The following RPS9 variants were observed in gnomAD, a reference collection of about 807,000 sequenced individuals.
RPS9 encodes the protein small ribosomal subunit protein uS4.
A neutral mutation model predicts 16.9 loss-of-function variants in RPS9; 1 was observed. That is an observed-to-expected ratio of 0.06 (90% CI 0.02 to 0.28). The LOEUF (loss-of-function observed/expected upper bound fraction) is 0.28, where lower values mean the gene tolerates loss of function less well. RPS9 is among the 10% of genes least tolerant of loss of function. The pLI is 1.00. For synonymous variants in RPS9, 106 were observed against 110.9 expected, an observed-to-expected ratio of 0.96 and a Z score of 0.28; for missense variants, 137 against 273.2, an observed-to-expected ratio of 0.50 and a Z score of 3.51.
intron 3 of RPS9, among the ~76,000 whole-genome samples, chr19:54,203,784 C>G (rs1214654588): frequency 1.4e-5 from 2 of 145,400 alleles, no homozygotes; most frequent in Admixed American, 7.0e-5. Flanking sequence ...CCCCCCACCC[C>G]CCAGCACAAC....
chr19:54,206,440 C>T lies in RPS9; in HGVS notation c.385C>T (p.Leu129=). The change falls in exon 4 of 5, where the codon CTG becomes TTG. Residue 129 remains leucine (L), a synonymous_variant. Coordinates refer to ENST00000302907, the MANE Select transcript of RPS9 (RefSeq NM_001013.4). ...CAAGTCCATCCACCACGCTCGCGTG[C>T]TGATCCGCCAGCGCCATATCAGGTA... ...LAKSIHHARV[L]IRQRHIRVRK... is the part of the protein sequence containing the mutation. 1.2e-6 allele frequency: 2 copies of T among 1,614,280 alleles called. No individual in the cohort carries two copies. Among genetic ancestry groups the T allele is most frequent in the African/African-American group, 2.7e-5 (2 of 75,078 alleles).
Position 54,204,253 on chromosome 19 carries a change from G to A in RPS9, c.221-2023G>A, listed in dbSNP as rs551388020. Among the ~76,000 whole-genome samples, 16 of 152,216 alleles carry A rather than the reference G, an allele frequency of 1.1e-4. No individual in the cohort carries two copies. In the South Asian group the frequency reaches 2.1e-3, roughly 20 times the overall value. Reference sequence around the variant, plus strand: ...TACAAAATTAGCGGGGCGTGGTGGCGCATGCCTTTAATCCCAGGCTGAGGC... The same window carrying A: ...TACAAAATTAGCGGGGCGTGGTGGCACATGCCTTTAATCCCAGGCTGAGGC... On this transcript the variant is annotated intron_variant, in intron 3 of 4. Transcript: ENST00000302907.
In RPS9 at chr19:54,201,181, C is replaced by G. The variant is rs373642511; in HGVS notation, c.-4C>G. The G allele has an allele frequency of 3.3e-5, 54 of 1,613,672 alleles. No individual in the cohort carries two copies. The African/African-American group carries it at 4.7e-4, about 14-fold the overall frequency. ...GCAGGCGCAGACGGGGAAGCGGAGC[C>G]AACATGCCAGTGGCCCGGAGCTGGG... is the stretch of plus-strand genomic sequence containing the variant. On this transcript the variant is annotated 5_prime_UTR_variant, in exon 2 of 5. Coordinates refer to ENST00000302907, the MANE Select transcript of RPS9 (RefSeq NM_001013.4).
chr19:54,202,796 GTT>G, intron 3 of RPS9: 1 of 985,380 alleles, frequency 1.0e-6, no homozygotes, highest in South Asian at 4.7e-5. Flanking sequence ...CATGTTAGGC[GTT>G]GAGAAAGTCC....
intron 3 of RPS9, among the ~76,000 whole-genome samples, chr19:54,204,048 G>A (rs1290782906): frequency 6.6e-6 from 1 of 152,142 alleles, no homozygotes; most frequent in African/African-American, 2.4e-5. Context: ...TTTTGCCTGT[G>A]GCTGACTCTC....
In RPS9 at chr19:54,201,433, A is replaced by G; in HGVS notation, c.98-54A>G. On this transcript the variant is annotated intron_variant, in intron 2 of 4. Transcript: ENST00000302907. ...TTTGTGATTCCAAAGCTGCCAGTCT[A>G]GTTGTTGTGCCAGTACGTGGGACTA... 9 of 1,611,920 alleles carry G rather than the reference A, an allele frequency of 5.6e-6. No individual in the cohort carries two copies. The South Asian group carries it at 8.8e-5, about 16-fold the overall frequency.
At chr19:54,207,032 T>C in intron 4 of RPS9, 2 of 440,964 alleles carry the variant, frequency 4.5e-6, no homozygotes, top group Non-Finnish European at 8.2e-6. Context: ...GCTGTGTTAT[T>C]GTGGGCATTG....
chr19:54,206,285 T>G lies in RPS9; in HGVS notation c.230T>G (p.Leu77Arg). ...DPRRLFEGNA[L>R]LRRLVRIGVL... ...CTCCCACTCTTCCCAGGCAACGCCC[T>G]GCTGCGGCGGCTGGTCCGCATTGGG... Residue 77 changes from leucine (L) to arginine (R), a missense_variant, in exon 4 of 5, where the codon CTG becomes CGG. By Grantham distance (102) the Leu-to-Arg change is moderately radical. Around this residue, in one of 3 missense-constraint regions of RPS9, gnomAD observed 64 missense variants for 164.0 expected, o/e 0.39. Coordinates refer to ENST00000302907, the MANE Select transcript of RPS9 (RefSeq NM_001013.4). The G allele has an allele frequency of 1.2e-6, 2 of 1,612,794 alleles. No individual in the cohort carries two copies. Among genetic ancestry groups the G allele is most frequent in the Non-Finnish European group, 1.7e-6 (2 of 1,178,888 alleles).
At chr19:54,203,096 C>T (rs774557818) in intron 3 of RPS9, 7 of 984,842 alleles carry the variant, frequency 7.1e-6, no homozygotes, top group Admixed American at 6.2e-5. Context: ...GGGAATTCAT[C>T]CCAGGGTTCT....
intron 3 of RPS9, chr19:54,202,716 T>C (rs767630670): frequency 6.1e-6 from 6 of 985,406 alleles, no homozygotes; most frequent in Non-Finnish European, 7.2e-6. Flanking sequence ...TGAGTTTGGG[T>C]AGTCATGATT....
chr19:54,204,522 T>G (rs1341533369), intron 3 of RPS9, among the ~76,000 whole-genome samples: 1 of 152,180 alleles, frequency 6.6e-6, no homozygotes, highest in Non-Finnish European at 1.5e-5. Context: ...TCCTCAGCTC[T>G]AGTAGCTGGG....
At chr19:54,206,976 AGAG>A in intron 4 of RPS9, 1 of 450,956 alleles carries the variant, frequency 2.2e-6, no homozygotes, top group South Asian at 2.8e-5. Context: ...AGCCGTAGGC[AGAG>A]CCTTGTGTGT....
At chr19:54,202,440 A>G (rs1448416023) in intron 3 of RPS9, 13 of 985,230 alleles carry the variant, frequency 1.3e-5, no homozygotes, top group Non-Finnish European at 1.6e-5. Context: ...TTTAGGTGGT[A>G]TTTAGCAAAG....
chr19:54,201,113 G>GCAGGCGCCGTTTGGATCCCTTA, intron 1 of RPS9, 47 bp from the exon 2 acceptor site: 1 of 1,608,742 alleles, frequency 6.2e-7, no homozygotes, highest in Non-Finnish European at 8.5e-7. Context: ...GTGGGACTGC[G>GCAGGCGCCGTTTGGATCCCTTA]CAGGCGCCGT....
chr19:54,203,120 T>C (rs1239340384), intron 3 of RPS9: 4 of 976,578 alleles, frequency 4.1e-6, no homozygotes, highest in Admixed American at 6.2e-5. Context: ...GGGAGTGGGC[T>C]ATAGCTGGTT....
At chr19:54,205,044 A>G (rs2077192521) in intron 3 of RPS9, among the ~76,000 whole-genome samples, 1 of 152,202 alleles carries the variant, frequency 6.6e-6, no homozygotes, top group African/African-American at 2.4e-5. Flanking sequence ...GGAATATCAG[A>G]AGTGCCTGAT....
Position 54,201,479 on chromosome 19 carries a change from C to G in RPS9, c.98-8C>G. The G allele has an allele frequency of 6.2e-7, 1 of 1,614,028 alleles. No individual in the cohort carries two copies. Among genetic ancestry groups the G allele is most frequent in the South Asian group, 1.1e-5 (1 of 91,072 alleles). On this transcript the variant is annotated splice_region_variant and splice_polypyrimidine_tract_variant and intron_variant, in intron 2 of 4. Coordinates refer to ENST00000302907, the MANE Select transcript of RPS9 (RefSeq NM_001013.4). ...GACTACACTTGTCCACCCCCTTCTC[C>G]CCACCAGGCGAGTATGGGCTCCGGA... is the stretch of plus-strand genomic sequence containing the variant.
chr19:54,206,214 A>G (rs541719918), intron 3 of RPS9, 62 bp from the exon 4 acceptor site: 56 of 1,547,560 alleles, frequency 3.6e-5, no homozygotes, highest in South Asian at 3.5e-4. Context: ...CGGAGCCAGG[A>G]TTTGAACCCA....
intron 4 of RPS9, 104 bp downstream of exon 4, chr19:54,206,566 T>A: frequency 6.4e-7 from 1 of 1,560,862 alleles, no homozygotes; most frequent in Non-Finnish European, 8.7e-7. Context: ...TCGGAGGTGA[T>A]GGGTGTGAAC....
Sources: gnomAD v4.1 joint callset for allele counts (sites outside exome capture counted in the v4.1 genomes callset) on GRCh38, gnomAD v4.1.1 for gene constraint, gnomAD v4.1.1 regional missense constraint, MANE v1.5 for transcripts, NCBI Gene and HGNC (gene_info 2026-07-23, HGNC 2026-07-21) for gene names.